The following GDF1 variants were observed in gnomAD, a reference collection of about 807,000 sequenced individuals.
GDF1 encodes growth differentiation factor 1.
A neutral mutation model predicts 7.4 loss-of-function variants in GDF1; 8 were observed. The observed-to-expected ratio is 1.09, with a 90% confidence interval of 0.64 to 1.96. The LOEUF (loss-of-function observed/expected upper bound fraction) is 1.96, where lower values mean the gene tolerates loss of function less well. Among genes scored for constraint, GDF1 ranks in the 30% most tolerant of loss-of-function variants. The probability of loss-of-function intolerance (pLI) is 0.00; values close to 1 mark genes in which losing one functional copy is unlikely to be tolerated. For synonymous variants in GDF1, 311 were observed against 276.7 expected (o/e 1.12, Z -1.23); for missense variants, 574 against 551.5 (o/e 1.04, Z -0.41).
chr19:18,886,461 A>G (rs1174583165), intron 2 of GDF1, among the ~76,000 whole-genome samples: 1 of 152,020 alleles, frequency 6.6e-6, no homozygotes, highest in Non-Finnish European at 1.5e-5. Flanking sequence ...AGGTGGGAGG[A>G]TCACTTGAGT....
chr19:18,886,307 T>C (rs2056358599), intron 2 of GDF1, among the ~76,000 whole-genome samples: 1 of 152,108 alleles, frequency 6.6e-6, no homozygotes, highest in Non-Finnish European at 1.5e-5. Context: ...CCCAGCACTT[T>C]GGGAGGCCGA....
intron 7 of GDF1, among the ~76,000 whole-genome samples, 183 bp downstream of exon 7, chr19:18,869,798 CAT>C (rs1019509633): frequency 6.6e-6 from 1 of 152,106 alleles, no homozygotes; most frequent in Non-Finnish European, 1.5e-5. Context: ...AACCCCCTGA[CAT>C]GTGTCCCCGG....
chr19:18,873,326 G>A (rs919731940), intron 6 of GDF1, among the ~76,000 whole-genome samples: 2 of 152,064 alleles, frequency 1.3e-5, no homozygotes, highest in African/African-American at 2.4e-5. Flanking sequence ...GATTAAGTGT[G>A]GGTAGAGAAA....
chr19:18,884,384 G>T (rs569406997), intron 2 of GDF1, 117 bp from the exon 3 acceptor site: 4 of 907,700 alleles, frequency 4.4e-6, no homozygotes, highest in South Asian at 1.9e-5. Flanking sequence ...GTAACCATGC[G>T]TGTCTGACTG....
intron 4 of GDF1, 92 bp from the exon 5 acceptor site, chr19:18,879,480 CCTTATCCCATCCTTGCCCA>C: frequency 1.4e-6 from 2 of 1,442,046 alleles, no homozygotes; most frequent in Non-Finnish European, 1.9e-6. Flanking sequence ...ACCCTTGCCC[CCTTATCCCATCCTTGCCCA>C]CCTCTGCCCA....
chr19:18,886,298 C>T (rs71332140), intron 2 of GDF1, among the ~76,000 whole-genome samples: 34,326 of 151,938 alleles, frequency 0.23, 4,222 homozygotes, highest in East Asian at 0.37. Context: ...GCCTGTAATC[C>T]CAGCACTTTG....
chr19:18,870,736 C>CG lies in GDF1; in HGVS notation c.-312-118dup. 1 of 450,496 alleles carries CG rather than the reference C, an allele frequency of 2.2e-6. No homozygotes were observed. The highest frequency in any genetic ancestry group is 3.5e-5 in the East Asian group (1 of 28,298). The allele number at this position is 450,496 out of a possible 1,614,324, so 27.9% of individuals were successfully genotyped here. ...CTGGCTCCTTTTACCCGGCCAGGCCCGGGCCTCGCCTTGTGGCTTCCTCCT... is the reference window on the plus strand; with the variant it reads ...CTGGCTCCTTTTACCCGGCCAGGCCCGGGGCCTCGCCTTGTGGCTTCCTCCT... On this transcript the variant is annotated intron_variant, in intron 6 of 7. Coordinates refer to ENST00000247005, the MANE Select transcript of GDF1 (RefSeq NM_001492.6). The surrounding 1 kb of genome is among the most constrained non-coding windows in gnomAD (Gnocchi z 5.1).
Position 18,868,606 on chromosome 19 carries a change from G to T in GDF1, c.1110C>A (p.Gly370=), listed in dbSNP as rs964651735. The T allele has an allele frequency of 5.8e-6, 9 of 1,559,454 alleles. No homozygotes were observed. The African/African-American group carries it at 1.2e-4, about 21-fold the overall frequency. The part of the protein sequence containing the change: ...QYEDMVVDEC[G]CR ...CCCTGCCCGCCCCGGGTTAGCGGCA[G>T]CCGCACTCGTCCACCACCATGTCCT... The change falls in exon 8 of 8, where the codon GGC becomes GGA. Residue 370 remains glycine, a synonymous_variant. Coordinates refer to ENST00000247005, the MANE Select transcript of GDF1 (RefSeq NM_001492.6).
In GDF1 at chr19:18,870,395, G is replaced by A; in HGVS notation, c.-88C>T. ...GAGGGCGGGGCCGGTGTCCCCGGAG[G>A]GGCAGGGGTCCTGGGGGGCGTGGCC... On this transcript the variant is annotated 5_prime_UTR_variant, in exon 7 of 8. Transcript: ENST00000247005. This position sits in a 1 kb window ranked among gnomAD's most constrained non-coding sequence, Gnocchi z 5.1. 1 of 1,442,562 alleles carries A rather than the reference G, an allele frequency of 6.9e-7. No homozygotes were observed. Among genetic ancestry groups the A allele is most frequent in the Non-Finnish European group, 9.4e-7 (1 of 1,062,170 alleles). 89.4% of individuals were successfully genotyped at this position (1,442,562 alleles called of 1,614,324 possible).
At chr19:18,882,619 A>G (rs781530247) in intron 3 of GDF1, among the ~76,000 whole-genome samples, 25 of 150,988 alleles carry the variant, frequency 1.7e-4, no homozygotes, top group Non-Finnish European at 3.1e-4. Flanking sequence ...CCTGGGCGAC[A>G]GAGCGAGACT....
At chr19:18,884,295 G>A in intron 2 of GDF1, 28 bp from the exon 3 acceptor site, 1 of 1,591,710 alleles carries the variant, frequency 6.3e-7, no homozygotes, top group East Asian at 2.3e-5. Context: ...TCACAGTCAG[G>A]GCCCTGCGAA....
At chr19:18,872,533 G>A (rs1325351517) in intron 6 of GDF1, among the ~76,000 whole-genome samples, 1 of 112,672 alleles carries the variant, frequency 8.9e-6, no homozygotes, top group Non-Finnish European at 1.9e-5. Flanking sequence ...TTTTTTTTTT[G>A]AGACGAAGTC....
intron 6 of GDF1, among the ~76,000 whole-genome samples, chr19:18,873,668 A>G (rs978292542): frequency 4.0e-5 from 6 of 151,704 alleles, no homozygotes; most frequent in Admixed American, 3.3e-4. Flanking sequence ...GTGAAACCTC[A>G]TCTCTACTAA....
In GDF1 at chr19:18,895,986, G is replaced by T; in HGVS notation, c.-1236C>A. The T allele has an allele frequency of 1.9e-6, 2 of 1,041,812 alleles. No homozygotes were observed. Among genetic ancestry groups the T allele is most frequent in the Non-Finnish European group, 2.3e-6 (2 of 867,072 alleles). 64.5% of individuals were successfully genotyped at this position (1,041,812 alleles called of 1,614,324 possible). On this transcript the variant is annotated 5_prime_UTR_variant, in exon 1 of 8. Coordinates refer to ENST00000247005, the MANE Select transcript of GDF1 (RefSeq NM_001492.6). The surrounding 1 kb of genome is among the most constrained non-coding windows in gnomAD (Gnocchi z 6.4). ...TGCAGCCCCGCGCCGCCGCCAGCGC[G>T]CTGCCCCAGCCGCGCTGCACTAGCT...
At chr19:18,880,556 C>G in intron 3 of GDF1, 121 bp from the exon 4 acceptor site, 1 of 954,294 alleles carries the variant, frequency 1.0e-6, no homozygotes, top group African/African-American at 1.7e-5. Context: ...CTCTTCAAAG[C>G]CACCCTTCCT....
In GDF1 at chr19:18,868,550, G is replaced by C; in HGVS notation, c.*47C>G. On this transcript the variant is annotated 3_prime_UTR_variant, in exon 8 of 8. Transcript: ENST00000247005. ...GGAGTCCAAGGAGACCAGCGGAGCA[G>C]ACCACGCGGCATTTATTGTTGGGCC... 2 of 1,437,204 alleles carry C rather than the reference G, an allele frequency of 1.4e-6. No individual in the cohort carries two copies. The highest frequency in any genetic ancestry group is 1.9e-6 in the Non-Finnish European group (2 of 1,046,822). The allele number at this position is 1,437,204 out of a possible 1,614,324, so 89.0% of individuals were successfully genotyped here.
intron 2 of GDF1, among the ~76,000 whole-genome samples, chr19:18,886,352 A>C (rs182974729): frequency 3.9e-5 from 6 of 152,272 alleles, no homozygotes; most frequent in South Asian, 2.1e-4. Context: ...GATCAAGACC[A>C]TCCTGGTTAA....
At chr19:18,871,755 T>C (rs1028141399) in intron 6 of GDF1, among the ~76,000 whole-genome samples, 6 of 152,236 alleles carry the variant, frequency 3.9e-5, no homozygotes, top group African/African-American at 1.4e-4. Context: ...GGTCTTTATC[T>C]GAGAGGAGAT....
intron 4 of GDF1, 102 bp downstream of exon 4, chr19:18,880,172 C>T (rs2056167308): frequency 1.8e-5 from 23 of 1,251,206 alleles, no homozygotes; most frequent in Middle Eastern, 5.6e-4. Flanking sequence ...ACCCACCTCA[C>T]CGGGCCCCGC....
Sources: allele counts gnomAD v4.1 joint callset (sites outside exome capture counted in the v4.1 genomes callset), GRCh38; gene constraint gnomAD v4.1.1; non-coding constraint Gnocchi (gnomAD v3.1); transcripts MANE v1.5; gene names NCBI Gene and HGNC (gene_info 2026-07-23, HGNC 2026-07-21).